Variants in ARHGEF37 observed in about 807,000 individuals in gnomAD.
ARHGEF37 encodes the protein Rho guanine nucleotide exchange factor (GEF) 37.
Under a neutral mutation model 71.1 loss-of-function variants are expected in ARHGEF37, and 55 were observed. The observed-to-expected ratio is 0.77, with a 90% CI of 0.62 to 0.97. The LOEUF (loss-of-function observed/expected upper bound fraction) is 0.97. Among genes scored for constraint, ARHGEF37 ranks in the 50% least tolerant of loss-of-function variants. The pLI is 0.00. For synonymous variants in ARHGEF37, 327 were observed against 350.6 expected (o/e 0.93, Z 0.75); for missense variants, 765 against 836.8 (o/e 0.91, Z 1.06).
intron 6 of ARHGEF37, 53 bp from the exon 7 acceptor site, chr5:149,618,885 G>T (rs1235656960): frequency 6.9e-7 from 1 of 1,439,456 alleles, no homozygotes; most frequent in Non-Finnish European, 9.8e-7. Flanking sequence ...ACTGAAGCCG[G>T]TGTACACTGC....
intron 10 of ARHGEF37, 137 bp downstream of exon 10, chr5:149,624,277 C>G: frequency 8.1e-7 from 1 of 1,229,786 alleles, no homozygotes; most frequent in East Asian, 2.5e-5. Flanking sequence ...GTTCTCTTCT[C>G]TCTCCTTTCT....
At chr5:149,595,981 AAG>A (rs1289173241) in intron 1 of ARHGEF37, among the ~76,000 whole-genome samples, 2 of 141,540 alleles carry the variant, frequency 1.4e-5, no homozygotes, top group East Asian at 4.3e-4. Flanking sequence ...CATTTCACAG[AAG>A]TCCTTGTGGC....
chr5:149,563,454 A>C (rs1762861372), intron 1 of ARHGEF37, among the ~76,000 whole-genome samples: 1 of 152,246 alleles, frequency 6.6e-6, no homozygotes, highest in African/African-American at 2.4e-5. Flanking sequence ...TTTGTGGCTT[A>C]GGATTTCAAG....
intron 1 of ARHGEF37, among the ~76,000 whole-genome samples, chr5:149,595,191 G>A (rs1011467174): frequency 6.6e-6 from 1 of 152,088 alleles, no homozygotes; most frequent in African/African-American, 2.4e-5. Flanking sequence ...TTTGTTTGTT[G>A]TTGAGACAGG....
At chr5:149,561,012 C>T (rs933048179) in intron 1 of ARHGEF37, among the ~76,000 whole-genome samples, 6 of 152,018 alleles carry the variant, frequency 3.9e-5, no homozygotes, top group Admixed American at 1.3e-4. Flanking sequence ...CAGTGGCTCA[C>T]GCCTGTAATC....
At chr5:149,589,481 C>A (rs1019182464) in intron 1 of ARHGEF37, among the ~76,000 whole-genome samples, 2 of 152,016 alleles carry the variant, frequency 1.3e-5, no homozygotes, top group African/African-American at 2.4e-5. Flanking sequence ...GCATGCACCA[C>A]CATGCCTGGC....
intron 4 of ARHGEF37, 152 bp downstream of exon 4, chr5:149,609,847 A>T (rs7707438): frequency 0.074 from 75,657 of 1,028,198 alleles, 3,397 homozygotes; most frequent in African/African-American, 0.17. Flanking sequence ...AGGCTGTGCC[A>T]CAGAGACAAA....
rs112301925 is a variant in ARHGEF37 at position 149,574,003 on chromosome 5, C to T, written c.-12+21880C>T. Among the ~76,000 whole-genome samples the T allele has an allele frequency of 5.8e-4, 88 of 152,116 alleles. 2 individuals are homozygous for T. Among genetic ancestry groups the T allele is most frequent in the African/African-American group, 2.0e-3 (82 of 41,496 alleles). Reference sequence around the variant, plus strand: ...TTAAGTCACAATAAACATCCTTATGCGAATATCTTTATATACTTTGTGTGA... The same window carrying T: ...TTAAGTCACAATAAACATCCTTATGTGAATATCTTTATATACTTTGTGTGA... On this transcript the variant is annotated intron_variant, in intron 1 of 2. Coordinates refer to the ARHGEF37 transcript ENST00000505810.
At chr5:149,558,689 ATATGTGTGTG>A (rs879407844) in intron 1 of ARHGEF37, among the ~76,000 whole-genome samples, 222 of 52,666 alleles carry the variant, frequency 4.2e-3, no homozygotes, top group Non-Finnish European at 6.2e-3. Flanking sequence ...AACCATATAT[ATATGTGTGTG>A]TGTGTGTGTG....
chr5:149,561,221 C>T (rs1190270187), intron 1 of ARHGEF37, among the ~76,000 whole-genome samples: 3 of 145,774 alleles, frequency 2.1e-5, no homozygotes, highest in South Asian at 2.1e-4. Flanking sequence ...TGCAGTGAGC[C>T]GAGATCACGC....
intron 5 of ARHGEF37, 37 bp downstream of exon 5, chr5:149,616,803 G>A: frequency 6.5e-7 from 1 of 1,531,820 alleles, no homozygotes; most frequent in Non-Finnish European, 8.9e-7. Flanking sequence ...ACATTAGTAG[G>A]AATGCTTCCA....
chr5:149,569,970 G>A (rs1323801239), intron 1 of ARHGEF37, among the ~76,000 whole-genome samples: 1 of 152,108 alleles, frequency 6.6e-6, no homozygotes, highest in Non-Finnish European at 1.5e-5. Context: ...CAAAGTAGGA[G>A]TACTGTTTTA....
At chr5:149,570,972 C>T (rs1373006146) in intron 1 of ARHGEF37, among the ~76,000 whole-genome samples, 2 of 152,028 alleles carry the variant, frequency 1.3e-5, no homozygotes, top group Admixed American at 1.3e-4. Context: ...GATGGAGTTT[C>T]ACTCTTGTTG....
At chr5:149,613,034 T>C (rs1752244250) in intron 4 of ARHGEF37, among the ~76,000 whole-genome samples, 1 of 152,146 alleles carries the variant, frequency 6.6e-6, no homozygotes, top group South Asian at 2.1e-4. Flanking sequence ...GCTGTCAGGG[T>C]GGAAAAGGCG....
At chr5:149,597,284 A>C (rs1763575986) in intron 1 of ARHGEF37, among the ~76,000 whole-genome samples, 1 of 152,004 alleles carries the variant, frequency 6.6e-6, no homozygotes, top group Non-Finnish European at 1.5e-5. Context: ...TTTTGTAAGA[A>C]TCTTGCTCTG....
At chr5:149,596,390 C>T (rs1763545918) in intron 1 of ARHGEF37, among the ~76,000 whole-genome samples, 1 of 152,242 alleles carries the variant, frequency 6.6e-6, no homozygotes, top group East Asian at 1.9e-4. Context: ...CTGCAACCTC[C>T]ACCTCCTGGG....
At chr5:149,614,439 A>G (rs1174989534) in intron 4 of ARHGEF37, among the ~76,000 whole-genome samples, 1 of 152,062 alleles carries the variant, frequency 6.6e-6, no homozygotes, top group Non-Finnish European at 1.5e-5. Flanking sequence ...ATAAAAAAGT[A>G]TTGTCCAAAT....
chr5:149,567,943 C>G (rs1762916344), intron 1 of ARHGEF37, among the ~76,000 whole-genome samples: 1 of 152,104 alleles, frequency 6.6e-6, no homozygotes, highest in Non-Finnish European at 1.5e-5. Context: ...TCTAGGACCT[C>G]TTAGCAAACA....
chr5:149,580,869 T>C (rs560019447), upstream of ARHGEF37, among the ~76,000 whole-genome samples: 23 of 152,348 alleles, frequency 1.5e-4, no homozygotes, highest in East Asian at 4.0e-3. Context: ...ATGCGTTTCA[T>C]AGCAACTATC....
Sources: gnomAD v4.1 joint callset for allele counts (sites outside exome capture counted in the v4.1 genomes callset) on GRCh38, gnomAD v4.1.1 for gene constraint, MANE v1.5 for transcripts, NCBI Gene and HGNC (gene_info 2026-07-23, HGNC 2026-07-21) for gene names.